Variants in MLLT10 observed in about 807,000 individuals in gnomAD.
MLLT10 encodes the protein MLLT10 histone lysine methyltransferase DOT1L cofactor.
In MLLT10, 30 loss-of-function variants were observed where a neutral mutation model predicts 129.1. That is an observed-to-expected ratio of 0.23 (90% CI 0.17 to 0.32). The LOEUF (loss-of-function observed/expected upper bound fraction) is 0.32, where lower values mean the gene tolerates loss of function less well. Ranked by LOEUF, MLLT10 falls within the 10% of genes least tolerant of loss-of-function variation. MLLT10 has a pLI of 1.00. For synonymous variants in MLLT10, 490 were observed against 446.4 expected, an observed-to-expected ratio of 1.10 and a Z score of -1.23; for missense variants, 1,119 against 1,268.3, an observed-to-expected ratio of 0.88 and a Z score of 1.79.
At chr10:21,659,414 G>A (rs1156311612) in intron 9 of MLLT10, among the ~76,000 whole-genome samples, 2 of 151,812 alleles carry the variant, frequency 1.3e-5, no homozygotes, top group South Asian at 2.1e-4. Context: ...GAGGCAAAAC[G>A]TAAAAACCAA....
rs567891382 is a variant in MLLT10, at chr10:21,728,575, T to C, written c.2063+647T>C. 1.4e-3 allele frequency among the ~76,000 whole-genome samples: 212 copies of C among 152,304 alleles called. 1 individual carries two copies. Among genetic ancestry groups the C allele is most frequent in the African/African-American group, 4.7e-3 (195 of 41,582 alleles). On this transcript the variant is annotated intron_variant, in intron 16 of 22. Transcript: ENST00000307729. The stretch of plus-strand genomic sequence containing the variant: ...AACTTTGGTGATAGCTATCTCCTTA[T>C]TAATTTTATTTCCCTTCTGTGCGTT...
chr10:21,733,738 G>T, intron 19 of MLLT10, 30 bp from the exon 20 acceptor site: 2 of 1,578,366 alleles, frequency 1.3e-6, no homozygotes, highest in South Asian at 2.4e-5. Context: ...AATGTCCAGT[G>T]GACTTAGTTT....
intron 3 of MLLT10, among the ~76,000 whole-genome samples, chr10:21,548,605 A>T (rs1437995066): frequency 6.6e-6 from 1 of 151,986 alleles, no homozygotes; most frequent in Non-Finnish European, 1.5e-5. Flanking sequence ...TCCTGACTTC[A>T]TGATCCACTC....
At chr10:21,678,776 A>G (rs912719761) in intron 11 of MLLT10, among the ~76,000 whole-genome samples, 2 of 152,204 alleles carry the variant, frequency 1.3e-5, no homozygotes, top group African/African-American at 4.8e-5. Flanking sequence ...CAGCTTGGCA[A>G]TGCTAATATA....
At chr10:21,657,979 T>C (rs71488417) in intron 9 of MLLT10, among the ~76,000 whole-genome samples, 1 of 152,178 alleles carries the variant, frequency 6.6e-6, no homozygotes, top group South Asian at 2.1e-4. Flanking sequence ...TCTTTTTTAT[T>C]GTCACTTTAT....
intron 8 of MLLT10, among the ~76,000 whole-genome samples, chr10:21,628,872 C>T (rs1488422589): frequency 1.3e-5 from 2 of 151,678 alleles, no homozygotes; most frequent in Admixed American, 6.6e-5. Context: ...CCTCAGCCTC[C>T]GCATTAGCTG....
At position 21,743,402 on chromosome 10, in the gene MLLT10, AATT is replaced by A. The variant is rs1168325805; in HGVS notation, c.*1421_*1423del. 2 of 202,602 alleles carry A rather than the reference AATT, an allele frequency of 9.9e-6. No individual in the cohort carries two copies. The highest frequency in any genetic ancestry group is 1.9e-4 in the South Asian group (1 of 5,254). 12.6% of individuals were successfully genotyped at this position (202,602 alleles called of 1,614,324 possible). On this transcript the variant is annotated 3_prime_UTR_variant, in exon 23 of 23. Coordinates refer to ENST00000307729, the MANE Select transcript of MLLT10 (RefSeq NM_001195626.3). ...ATTGGTAGATTTAATTGAAAAGTAA[AATT>A]AATTTATTTTTATATGTTCAGGGGA...
At chr10:21,701,438 A>T (rs1446224823) in intron 13 of MLLT10, among the ~76,000 whole-genome samples, 84 of 151,394 alleles carry the variant, frequency 5.5e-4, no homozygotes, top group Non-Finnish European at 1.5e-5. Context: ...TACTTTTTTG[A>T]TGTAGATGTT....
At chr10:21,682,197 C>T (rs763278869) in intron 12 of MLLT10, 28 bp from the exon 13 acceptor site, 1 of 1,600,182 alleles carries the variant, frequency 6.2e-7, no homozygotes, top group African/African-American at 1.3e-5. Flanking sequence ...TGATCTTAAC[C>T]TGAAGTCCTT....
chr10:21,736,915 A>C (rs918015605), intron 21 of MLLT10, among the ~76,000 whole-genome samples: 2 of 152,198 alleles, frequency 1.3e-5, no homozygotes, highest in Non-Finnish European at 2.9e-5. Flanking sequence ...TGGACACCCT[A>C]GAAAAGGAGA....
At chr10:21,647,963 G>A (rs1479898807) in intron 8 of MLLT10, among the ~76,000 whole-genome samples, 1 of 151,760 alleles carries the variant, frequency 6.6e-6, no homozygotes, top group Non-Finnish European at 1.5e-5. Flanking sequence ...AGCTGACTTT[G>A]ATGTTATTTT....
chr10:21,734,647 A>G (rs563417182), intron 20 of MLLT10, among the ~76,000 whole-genome samples: 1 of 152,280 alleles, frequency 6.6e-6, no homozygotes, highest in African/African-American at 2.4e-5. Flanking sequence ...CTTTTGGGGG[A>G]ATAAATACTT....
At chr10:21,548,385 T>TG (rs2036444767) in intron 3 of MLLT10, among the ~76,000 whole-genome samples, 1 of 151,654 alleles carries the variant, frequency 6.6e-6, no homozygotes, top group African/African-American at 2.4e-5. Flanking sequence ...TCTTTTTTTT[T>TG]TTTTTTGAGA....
intron 8 of MLLT10, among the ~76,000 whole-genome samples, chr10:21,632,713 G>T (rs917351212): frequency 3.3e-5 from 5 of 152,014 alleles, no homozygotes; most frequent in Admixed American, 3.3e-4. Flanking sequence ...CCTTTCTATG[G>T]CCTCTCTTTT....
chr10:21,607,566 C>T (rs899005889), intron 5 of MLLT10, among the ~76,000 whole-genome samples: 1 of 152,066 alleles, frequency 6.6e-6, no homozygotes, highest in South Asian at 2.1e-4. Context: ...GGTGATCCGC[C>T]CACCTTGTCC....
intron 3 of MLLT10, among the ~76,000 whole-genome samples, chr10:21,569,815 T>C (rs539344719): frequency 3.3e-5 from 5 of 152,232 alleles, no homozygotes; most frequent in African/African-American, 1.2e-4. Flanking sequence ...CAATCATGGC[T>C]CACTATGGCC....
At chr10:21,601,144 C>CA (rs1261104872) in intron 5 of MLLT10, among the ~76,000 whole-genome samples, 1 of 152,140 alleles carries the variant, frequency 6.6e-6, no homozygotes, top group Non-Finnish European at 1.5e-5. Flanking sequence ...TAGGATCTCA[C>CA]TATGTTGCCT....
chr10:21,556,353 C>T (rs1457486389), intron 3 of MLLT10, among the ~76,000 whole-genome samples: 1 of 152,084 alleles, frequency 6.6e-6, no homozygotes. Context: ...AGTGATCTAG[C>T]GGGGTTCTTA....
chr10:21,626,655 C>A (rs2046472623), intron 8 of MLLT10, among the ~76,000 whole-genome samples: 1 of 152,194 alleles, frequency 6.6e-6, no homozygotes, highest in Admixed American at 6.5e-5. Context: ...AATAGGATTA[C>A]TCACCTCTTT....
Sources: gnomAD v4.1 joint callset for allele counts (sites outside exome capture counted in the v4.1 genomes callset) on GRCh38, gnomAD v4.1.1 for gene constraint, MANE v1.5 for transcripts, NCBI Gene and HGNC (gene_info 2026-07-23, HGNC 2026-07-21) for gene names.